Variants in SHB observed in about 807,000 individuals in gnomAD.
SHB encodes SH2 domain-containing adapter protein B.
In SHB, 20 loss-of-function variants were observed where a neutral mutation model predicts 52.3. The observed-to-expected ratio is 0.38, with a 90% CI of 0.27 to 0.56. SHB has a LOEUF of 0.56. Among genes scored for constraint, SHB ranks in the 20% least tolerant of loss-of-function variants. SHB has a pLI of 0.71. For synonymous variants in SHB, 397 were observed against 316.5 expected (o/e 1.25, Z -2.70); for missense variants, 825 against 723.3 (o/e 1.14, Z -1.61).
intron 4 of SHB, among the ~76,000 whole-genome samples, chr9:37,952,736 T>C (rs1247934579): frequency 2.0e-5 from 3 of 151,590 alleles, no homozygotes; most frequent in Non-Finnish European, 4.4e-5. Flanking sequence ...GGAATCAAGA[T>C]GATGACGGGT....
chr9:38,061,396 C>G (rs969288540), intron 1 of SHB, among the ~76,000 whole-genome samples: 1 of 152,058 alleles, frequency 6.6e-6, no homozygotes. Context: ...GGTGTGTTGC[C>G]GTCAGCCAGC....
At chr9:38,055,511 T>C (rs182698283) in intron 1 of SHB, among the ~76,000 whole-genome samples, 1 of 152,214 alleles carries the variant, frequency 6.6e-6, no homozygotes, top group East Asian at 1.9e-4. Context: ...GTGACCAAAA[T>C]CGTGTGGCCC....
At chr9:38,005,470 C>A (rs1163980504) in intron 2 of SHB, among the ~76,000 whole-genome samples, 2 of 152,188 alleles carry the variant, frequency 1.3e-5, no homozygotes, top group East Asian at 3.8e-4. Context: ...TTGCCGCCAC[C>A]AAGGGAGGAC....
chr9:38,025,292 A>G (rs556692041), intron 1 of SHB, among the ~76,000 whole-genome samples: 14 of 151,666 alleles, frequency 9.2e-5, no homozygotes, highest in African/African-American at 3.4e-4. Flanking sequence ...CTCAACTCCT[A>G]CTTGGCTCTG....
intron 1 of SHB, among the ~76,000 whole-genome samples, chr9:38,038,986 T>C (rs994219403): frequency 6.6e-6 from 1 of 152,208 alleles, no homozygotes; most frequent in Non-Finnish European, 1.5e-5. Context: ...AGACAGACTG[T>C]CAGCCGTGAA....
chr9:37,984,371 G>C (rs1820777628), intron 2 of SHB, among the ~76,000 whole-genome samples: 1 of 152,172 alleles, frequency 6.6e-6, no homozygotes, highest in Non-Finnish European at 1.5e-5. Context: ...TTGATAATCT[G>C]ACACCCCCAC....
chr9:38,006,739 T>C (rs570125155), intron 2 of SHB, among the ~76,000 whole-genome samples: 4 of 152,194 alleles, frequency 2.6e-5, no homozygotes, highest in African/African-American at 7.2e-5. Flanking sequence ...CTCACATCTA[T>C]GAGGCTTAGT....
At chr9:38,032,187 A>G (rs1034072122) in intron 1 of SHB, among the ~76,000 whole-genome samples, 4 of 152,232 alleles carry the variant, frequency 2.6e-5, no homozygotes, top group Non-Finnish European at 5.9e-5. Flanking sequence ...CACCTTCTCT[A>G]CAAGCCAGGC....
intron 5 of SHB, among the ~76,000 whole-genome samples, chr9:37,926,939 C>A (rs1036551300): frequency 1.3e-5 from 2 of 152,226 alleles, no homozygotes; most frequent in Non-Finnish European, 2.9e-5. Context: ...CTACCTCTGG[C>A]ATGGCTGAGA....
rs1444749497 is a variant in SHB at position 37,916,088 on chromosome 9, G to C, written c.*3733C>G. On this transcript the variant is annotated 3_prime_UTR_variant, in exon 6 of 6. Transcript: ENST00000377707. ...AGGGGCACCTGTGTTCCAGGACCAA[G>C]GGGCTTGCCCTCCTGCAAGCGCGCC... Among the ~76,000 whole-genome samples, 1 of 152,102 alleles carries C rather than the reference G, an allele frequency of 6.6e-6. No individual in the cohort carries two copies. The highest frequency in any genetic ancestry group is 1.5e-5 in the Non-Finnish European group (1 of 68,034).
chr9:37,974,545 T>G lies in SHB; in HGVS notation c.1054+77A>C. The G allele has an allele frequency of 4.7e-6, 6 of 1,266,990 alleles. 1 individual carries two copies. In the East Asian group the frequency reaches 1.4e-4, roughly 29 times the overall value. The allele number at this position is 1,266,990 out of a possible 1,614,324, so 78.5% of individuals were successfully genotyped here. A position where few individuals can be genotyped will look rare whatever the true frequency, so the allele number is the denominator to read the frequency against. On this transcript the variant is annotated intron_variant, in intron 3 of 5. Transcript: ENST00000377707. ...TATTAAACAACCCTGGAGTTTGTCC[T>G]GAGCGCAGGTGGGGACCAAGGTGAG...
chr9:37,983,551 A>T (rs1318326801), intron 2 of SHB, among the ~76,000 whole-genome samples: 6 of 152,060 alleles, frequency 3.9e-5, no homozygotes, highest in Non-Finnish European at 7.4e-5. Flanking sequence ...GAAATGATAG[A>T]CGCTGGCCTG....
chr9:38,064,543 T>C (rs1821937069), intron 1 of SHB, among the ~76,000 whole-genome samples: 1 of 152,208 alleles, frequency 6.6e-6, no homozygotes, highest in South Asian at 2.1e-4. Context: ...CCCTCTCCCC[T>C]GAGCTGAGAT....
chr9:38,001,336 G>T (rs534944525), intron 2 of SHB, among the ~76,000 whole-genome samples: 73 of 152,334 alleles, frequency 4.8e-4, no homozygotes, highest in South Asian at 4.8e-3. Flanking sequence ...GTCAGGAGAG[G>T]AGATAATCGT....
chr9:37,966,114 C>T (rs892554807), intron 3 of SHB, among the ~76,000 whole-genome samples: 1 of 152,200 alleles, frequency 6.6e-6, no homozygotes, highest in Non-Finnish European at 1.5e-5. Flanking sequence ...GCTGGGATTA[C>T]AGGCGTAAGC....
rs113475776 is a variant in SHB at position 37,986,851 on chromosome 9, C to T, written c.839-12014G>A. Among the ~76,000 whole-genome samples, 120 of 152,342 alleles carry T rather than the reference C, an allele frequency of 7.9e-4. 3 individuals carry two copies. Among genetic ancestry groups the T allele is most frequent in the African/African-American group, 2.8e-3 (115 of 41,582 alleles). Reference sequence around the variant, plus strand: ...TTCACAGGGCTGCAGCACACACAGGCAGATGTGCGTCCCAGCTTGTTCCTT... The same window carrying T: ...TTCACAGGGCTGCAGCACACACAGGTAGATGTGCGTCCCAGCTTGTTCCTT... On this transcript the variant is annotated intron_variant, in intron 2 of 5. Coordinates refer to ENST00000377707, the MANE Select transcript of SHB (RefSeq NM_003028.3).
intron 1 of SHB, among the ~76,000 whole-genome samples, chr9:38,036,258 C>T (rs572423309): frequency 6.6e-6 from 1 of 152,294 alleles, no homozygotes; most frequent in South Asian, 2.1e-4. Context: ...TCTCTCCAGA[C>T]CAAACCTCAA....
chr9:38,041,780 G>A (rs1440979930), intron 1 of SHB, among the ~76,000 whole-genome samples: 1 of 152,178 alleles, frequency 6.6e-6, no homozygotes, highest in Admixed American at 6.5e-5. Context: ...GGTCGTGACA[G>A]GGGCCGGTAC....
chr9:37,948,496 GA>G, intron 5 of SHB, 138 bp downstream of exon 5: 1 of 1,015,574 alleles, frequency 9.8e-7, no homozygotes. Context: ...GGATCAAATT[GA>G]AAAACCCAGG....
Sources: gnomAD v4.1 joint callset for allele counts (sites outside exome capture counted in the v4.1 genomes callset) on GRCh38, gnomAD v4.1.1 for gene constraint, MANE v1.5 for transcripts, NCBI Gene and HGNC (gene_info 2026-07-23, HGNC 2026-07-21) for gene names.